The following DNAH14 variants were observed in gnomAD, a reference collection of about 807,000 sequenced individuals.
DNAH14 encodes axonemal beta dynein heavy chain 14.
DNAH14 carries 478 observed loss-of-function variants against 520.9 expected under a neutral mutation model. That is an observed-to-expected ratio of 0.92 (90% CI 0.85 to 0.99). The LOEUF (loss-of-function observed/expected upper bound fraction) is 0.99, where lower values mean the gene tolerates loss of function less well. Among genes scored for constraint, DNAH14 ranks in the 50% least tolerant of loss-of-function variants. The pLI, the probability that DNAH14 is intolerant of heterozygous loss-of-function variation, is 0.00. For synonymous variants in DNAH14, 1,581 were observed against 1,757.2 expected (o/e 0.90, Z 2.51); for missense variants, 4,831 against 5,234.5 (o/e 0.92, Z 2.38).
chr1:224,989,600 T>C (rs2062889934), intron 8 of DNAH14, among the ~76,000 whole-genome samples: 1 of 152,202 alleles, frequency 6.6e-6, no homozygotes, highest in East Asian at 1.9e-4. Context: ...TCCAGCATTA[T>C]GTCGAATAAG....
At chr1:225,294,382 A>G (rs765439798) in intron 55 of DNAH14, among the ~76,000 whole-genome samples, 1 of 152,142 alleles carries the variant, frequency 6.6e-6, no homozygotes, top group Non-Finnish European at 1.5e-5. Flanking sequence ...CATCAGGAAT[A>G]TTGGCCTATA....
intron 27 of DNAH14, among the ~76,000 whole-genome samples, chr1:225,128,844 G>C (rs1281745661): frequency 6.6e-6 from 1 of 150,710 alleles, no homozygotes; most frequent in East Asian, 2.0e-4. Context: ...ATGAAATAAA[G>C]AGTATTCAAT....
chr1:225,219,594 C>T (rs2089825606), intron 41 of DNAH14, among the ~76,000 whole-genome samples: 1 of 152,028 alleles, frequency 6.6e-6, no homozygotes, highest in Admixed American at 6.6e-5. Context: ...TACGCTCTTC[C>T]AAGACTAAAC....
chr1:224,993,961 G>A (rs2063226210), intron 8 of DNAH14, among the ~76,000 whole-genome samples: 1 of 151,824 alleles, frequency 6.6e-6, no homozygotes, highest in South Asian at 2.1e-4. Context: ...AGAACATGTT[G>A]TTTTGTGTCT....
At chr1:225,196,594 T>G (rs1049686354) in intron 38 of DNAH14, among the ~76,000 whole-genome samples, 2 of 152,186 alleles carry the variant, frequency 1.3e-5, no homozygotes, top group Non-Finnish European at 1.5e-5. Flanking sequence ...ATCTCCACAC[T>G]GTTTTCCACA....
At chr1:225,380,577 AG>A (rs1372318877) in intron 80 of DNAH14, among the ~76,000 whole-genome samples, 1 of 152,246 alleles carries the variant, frequency 6.6e-6, no homozygotes, top group Non-Finnish European at 1.5e-5. Context: ...GTAGCAAACT[AG>A]AAAGCAGCAA....
intron 15 of DNAH14, among the ~76,000 whole-genome samples, chr1:225,049,337 A>T (rs2068280313): frequency 6.6e-6 from 1 of 151,880 alleles, no homozygotes; most frequent in Non-Finnish European, 1.5e-5. Context: ...CTGGGATTAC[A>T]TGCAGGGGCC....
Position 225,051,692 on chromosome 1 carries a change from T to C in DNAH14, c.2321T>C (p.Leu774Pro), listed in dbSNP as rs1280626890. Residue 774 changes from leucine to proline, a missense_variant, in exon 17 of 86, where the codon CTT (leucine) becomes CCT (proline). By Grantham distance (98) the Leu-to-Pro change is moderately conservative (BLOSUM62 -3). Coordinates refer to ENST00000682510, the MANE Select transcript of DNAH14 (RefSeq NM_001367479.1). Reference sequence around the variant, plus strand: ...ATTGGTATTTTCAACGTTGTAAGTCTTGATTATCAATCAGAATGCTTACTG... The same window carrying C: ...ATTGGTATTTTCAACGTTGTAAGTCCTGATTATCAATCAGAATGCTTACTG... ...KRIGIFNVVS[L>P]DYQSECLLYI... 2.3e-5 allele frequency: 35 copies of C among 1,551,318 alleles called. No homozygotes were observed. Among genetic ancestry groups the C allele is most frequent in the Non-Finnish European group, 3.1e-5 (35 of 1,146,734 alleles).
intron 1 of DNAH14, among the ~76,000 whole-genome samples, chr1:224,944,144 G>A (rs1231974794): frequency 6.6e-6 from 1 of 152,090 alleles, no homozygotes; most frequent in Non-Finnish European, 1.5e-5. Context: ...CTCTTTGTAG[G>A]TCTCTAAGGA....
intron 52 of DNAH14, among the ~76,000 whole-genome samples, chr1:225,274,218 T>TTTTTTTTTTTTTG (rs2093401855): frequency 7.3e-6 from 1 of 136,448 alleles, no homozygotes; most frequent in Non-Finnish European, 1.5e-5. Context: ...TTTTTTTTTT[T>TTTTTTTTTTTTTG]TTTTGAGACG....
intron 17 of DNAH14, among the ~76,000 whole-genome samples, chr1:225,054,097 G>C (rs950976799): frequency 6.6e-6 from 1 of 152,160 alleles, no homozygotes; most frequent in Non-Finnish European, 1.5e-5. Context: ...GGGTCAGACA[G>C]TGGCAGGCAG....
At chr1:225,034,496 C>G (rs970148359) in intron 11 of DNAH14, among the ~76,000 whole-genome samples, 1 of 142,664 alleles carries the variant, frequency 7.0e-6, no homozygotes, top group African/African-American at 2.7e-5. Context: ...CAATATTCAT[C>G]AAGGATATTG....
rs1176117423 is a variant in DNAH14, at chr1:224,965,427, A to AT, written c.498+825dup. Reference sequence around the variant, plus strand: ...ACTGCTTCCAACCAAGGATCAGTAGATTTTTTTCTGAAGAGGACCAGGTAA... The same window carrying AT: ...ACTGCTTCCAACCAAGGATCAGTAGATTTTTTTTCTGAAGAGGACCAGGTAA... On this transcript the variant is annotated intron_variant, in intron 5 of 85. Transcript: ENST00000682510. 3.3e-5 allele frequency among the ~76,000 whole-genome samples: 5 copies of AT among 152,032 alleles called. No individual in the cohort carries two copies. In the East Asian group the frequency reaches 7.7e-4, roughly 23 times the overall value.
At chr1:225,313,554 T>C (rs1473422528) in intron 60 of DNAH14, among the ~76,000 whole-genome samples, 4 of 152,220 alleles carry the variant, frequency 2.6e-5, no homozygotes, top group Admixed American at 2.0e-4. Context: ...TTTAGATCTT[T>C]CTCGCTTTCT....
intron 34 of DNAH14, among the ~76,000 whole-genome samples, chr1:225,156,674 A>G (rs941199791): frequency 2.7e-5 from 4 of 146,730 alleles, no homozygotes; most frequent in Non-Finnish European, 6.0e-5. Flanking sequence ...TTTTATTTAC[A>G]TCTGGATACT....
rs755940682 is a variant in DNAH14 at position 225,265,367 on chromosome 1, C to T, written c.7408C>T (p.Arg2470Trp). 1 of 1,531,604 alleles carries T rather than the reference C, an allele frequency of 6.5e-7. No homozygotes were observed. Among genetic ancestry groups the T allele is most frequent in the Non-Finnish European group, 8.8e-7 (1 of 1,141,526 alleles). 94.9% of individuals were successfully genotyped at this position (1,531,604 alleles called of 1,614,324 possible). A position where few individuals can be genotyped will look rare whatever the true frequency, so the allele number is the denominator to read the frequency against. Residue 2470 changes from arginine to tryptophan, a missense_variant and splice_region_variant, in exon 48 of 86, where the codon CGG becomes TGG. Coordinates refer to ENST00000682510, the MANE Select transcript of DNAH14 (RefSeq NM_001367479.1). The stretch of plus-strand genomic sequence containing the variant: ...TACTCTTGGAGCACCAAAAAACAAC[C>T]GGGTAAAACACCTCTCATACCTGTT... ...KDTLGAPKNN[R>W]ILIFIDDMNM...
chr1:225,089,097 A>G (rs973484549), intron 21 of DNAH14, among the ~76,000 whole-genome samples: 1 of 152,146 alleles, frequency 6.6e-6, no homozygotes, highest in African/African-American at 2.4e-5. Flanking sequence ...AATCCTCCCT[A>G]ACACATTCTA....
intron 21 of DNAH14, among the ~76,000 whole-genome samples, chr1:225,092,603 A>T (rs1451272063): frequency 6.6e-6 from 1 of 152,056 alleles, no homozygotes; most frequent in Non-Finnish European, 1.5e-5. Context: ...CAACCTAACA[A>T]CACAACTAGA....
chr1:225,314,493 T>G (rs1178203028), intron 60 of DNAH14, among the ~76,000 whole-genome samples: 3 of 152,152 alleles, frequency 2.0e-5, no homozygotes, highest in African/African-American at 4.8e-5. Context: ...CTAGCTGCAG[T>G]TTTTTTGCCC....
Sources: gnomAD v4.1 joint callset for allele counts (sites outside exome capture counted in the v4.1 genomes callset) on GRCh38, gnomAD v4.1.1 for gene constraint, MANE v1.5 for transcripts, NCBI Gene and HGNC (gene_info 2026-07-23, HGNC 2026-07-21) for gene names.